The following SDK1 variants were observed in gnomAD, a reference collection of about 807,000 sequenced individuals.
SDK1 encodes the protein sidekick cell adhesion molecule 1.
A neutral mutation model predicts 245.5 loss-of-function variants in SDK1; 157 were observed. The ratio of observed to expected loss-of-function variants is 0.64; its 90% confidence interval spans 0.56 to 0.73. The LOEUF (loss-of-function observed/expected upper bound fraction) is 0.73. Ranked by LOEUF, SDK1 falls within the 30% of genes least tolerant of loss-of-function variation. The probability of loss-of-function intolerance (pLI) is 0.00; values close to 1 mark genes in which losing one functional copy is unlikely to be tolerated. For missense variants in SDK1, 3,583 were observed against 3,002.3 expected (o/e 1.19, Z -4.52); for synonymous variants, 1,647 against 1,278.5 (o/e 1.29, Z -6.15).
chr7:3,462,574 C>T (rs1189798834), intron 1 of SDK1, among the ~76,000 whole-genome samples: 1 of 152,190 alleles, frequency 6.6e-6, no homozygotes, highest in African/African-American at 2.4e-5. Context: ...CTACTTATAT[C>T]TTTCTAAGCC....
At chr7:3,966,063 C>T (rs1395660823) in intron 9 of SDK1, among the ~76,000 whole-genome samples, 1 of 151,952 alleles carries the variant, frequency 6.6e-6, no homozygotes, top group East Asian at 1.9e-4. Context: ...ACATGAAAGC[C>T]TTTGTAGCTT....
chr7:3,980,258 C>A (rs866612122), intron 13 of SDK1, among the ~76,000 whole-genome samples: 1 of 152,224 alleles, frequency 6.6e-6, no homozygotes, highest in Non-Finnish European at 1.5e-5. Context: ...TTTTCTCACA[C>A]ACACCTTGCT....
Position 4,016,254 on chromosome 7 carries a change from T to C in SDK1, c.2421-917T>C, listed in dbSNP as rs1786393729. Among the ~76,000 whole-genome samples the C allele has an allele frequency of 2.6e-5, 4 of 152,318 alleles. No individual in the cohort carries two copies. The South Asian group carries it at 8.3e-4, about 32-fold the overall frequency. On this transcript the variant is annotated intron_variant, in intron 16 of 44. Transcript: ENST00000404826. ...GCCAGCGGATTTGCTGCCACTCAAG[T>C]GTGGGACTGTGAGGCAGGAGCCACT...
At position 4,130,087 on chromosome 7, in the gene SDK1, C is replaced by G; in HGVS notation, c.4119C>G (p.Thr1373=). 1.2e-6 allele frequency: 2 copies of G among 1,602,616 alleles called. No individual in the cohort carries two copies. Among genetic ancestry groups the G allele is most frequent in the South Asian group, 2.2e-5 (2 of 90,098 alleles). The change falls in exon 27 of 45, where the codon ACC becomes ACG. Residue 1373 remains threonine, a synonymous_variant. Coordinates refer to ENST00000404826, the MANE Select transcript of SDK1 (RefSeq NM_152744.4). ...VPSTPLILER[T]KDDAPGPPVR... ...GCACGCCCCTCATCCTGGAGCGCAC[C>G]AAAGACGATGGTAGGTCCAGGGTTC...
intron 4 of SDK1, among the ~76,000 whole-genome samples, chr7:3,773,697 TTTTG>T (rs1780467972): frequency 6.6e-6 from 1 of 152,172 alleles, no homozygotes; most frequent in Admixed American, 6.5e-5. Flanking sequence ...AGTTTGCTGT[TTTTG>T]TTTTTTGTTT....
intron 1 of SDK1, among the ~76,000 whole-genome samples, chr7:3,433,149 G>C (rs1474320200): frequency 6.6e-6 from 1 of 152,116 alleles, no homozygotes; most frequent in Non-Finnish European, 1.5e-5. Context: ...GTGACAGTAC[G>C]GTGTTTAGCA....
At chr7:3,345,926 T>C (rs1780480351) in intron 1 of SDK1, among the ~76,000 whole-genome samples, 2 of 152,194 alleles carry the variant, frequency 1.3e-5, no homozygotes, top group South Asian at 4.1e-4. Context: ...TGCAGTGTCA[T>C]CACCCACTGC....
intron 5 of SDK1, among the ~76,000 whole-genome samples, chr7:3,847,314 T>A (rs1432163106): frequency 2.6e-5 from 4 of 152,266 alleles, no homozygotes; most frequent in Non-Finnish European, 5.9e-5. Flanking sequence ...TTGGTCGCCA[T>A]AAACCTAGAA....
At chr7:3,377,039 A>AT (rs1307128961) in intron 1 of SDK1, among the ~76,000 whole-genome samples, 28 of 152,300 alleles carry the variant, frequency 1.8e-4, no homozygotes, top group Admixed American at 9.1e-4. Context: ...CGATTCTAAC[A>AT]TTCAGCCCTG....
At chr7:3,643,454 C>G (rs1782716913) in intron 4 of SDK1, 1 of 150,648 alleles carries the variant, frequency 6.6e-6, no homozygotes, top group Non-Finnish European at 1.5e-5. Flanking sequence ...CTGTGGAATC[C>G]TTCCCCTAAA....
At chr7:3,313,627 C>T (rs1473947600) in intron 1 of SDK1, among the ~76,000 whole-genome samples, 1 of 152,102 alleles carries the variant, frequency 6.6e-6, no homozygotes, top group Non-Finnish European at 1.5e-5. Context: ...ACTACAAGTA[C>T]TCATACTGCA....
chr7:3,870,912 G>C (rs544698187), intron 5 of SDK1, among the ~76,000 whole-genome samples: 1 of 152,218 alleles, frequency 6.6e-6, no homozygotes, highest in East Asian at 1.9e-4. Flanking sequence ...TTATGACCTT[G>C]ATACTTTGGA....
chr7:4,255,564 C>A (rs1040582162), intron 44 of SDK1, among the ~76,000 whole-genome samples: 6 of 152,122 alleles, frequency 3.9e-5, no homozygotes, highest in Admixed American at 6.5e-5. Context: ...GTACAGGCTC[C>A]CAGCTTACAA....
At chr7:3,395,772 G>A (rs1781881223) in intron 1 of SDK1, among the ~76,000 whole-genome samples, 1 of 151,720 alleles carries the variant, frequency 6.6e-6, no homozygotes, top group Non-Finnish European at 1.5e-5. Flanking sequence ...GAATTTGTTG[G>A]CGTAAAGTTG....
At chr7:3,429,244 CT>C (rs1481247918) in intron 1 of SDK1, among the ~76,000 whole-genome samples, 1 of 115,922 alleles carries the variant, frequency 8.6e-6, no homozygotes, top group African/African-American at 3.4e-5. Flanking sequence ...TGATAAAAGG[CT>C]TTTTTTAAGT....
At chr7:3,800,085 G>C (rs913961473) in intron 4 of SDK1, among the ~76,000 whole-genome samples, 1 of 152,056 alleles carries the variant, frequency 6.6e-6, no homozygotes, top group African/African-American at 2.4e-5. Context: ...CAGGGTTGTG[G>C]GTTTGGCTCT....
In SDK1 at chr7:3,645,836, G is replaced by T. The variant is rs1470537120; in HGVS notation, c.713+3731G>T. Among the ~76,000 whole-genome samples the T allele has an allele frequency of 5.9e-5, 9 of 152,122 alleles. 1 individual carries two copies. The highest frequency in any genetic ancestry group is 5.9e-4 in the Admixed American group (9 of 15,278). On this transcript the variant is annotated intron_variant, in intron 4 of 44. Transcript: ENST00000404826. ...GTGCTTCCCACATATTGAAATGCAG[G>T]TGAAGTTTCTGCACCTATTTTTTTT...
chr7:4,248,170 A>G (rs1399908476), intron 44 of SDK1, among the ~76,000 whole-genome samples: 1 of 152,130 alleles, frequency 6.6e-6, no homozygotes, highest in Non-Finnish European at 1.5e-5. Context: ...ATGAACACAT[A>G]TGTACATGTA....
At chr7:3,347,893 T>G (rs1428562283) in intron 1 of SDK1, among the ~76,000 whole-genome samples, 1 of 25,520 alleles carries the variant, frequency 3.9e-5, no homozygotes, top group Admixed American at 2.7e-4. Flanking sequence ...ATTAAATATG[T>G]TTTTTTTTTT....
Sources: gnomAD v4.1 joint callset for allele counts (sites outside exome capture counted in the v4.1 genomes callset) on GRCh38, gnomAD v4.1.1 for gene constraint, MANE v1.5 for transcripts, NCBI Gene and HGNC (gene_info 2026-07-23, HGNC 2026-07-21) for gene names.